The following PIGO variants were observed in gnomAD, a reference collection of about 807,000 sequenced individuals.
PIGO encodes the protein GPI ethanolamine phosphate transferase 3, catalytic subunit.
Under a neutral mutation model 86.9 loss-of-function variants are expected in PIGO, and 66 were observed. The ratio of observed to expected loss-of-function variants is 0.76; its 90% confidence interval spans 0.62 to 0.93. The LOEUF (loss-of-function observed/expected upper bound fraction) is 0.93, where lower values mean the gene tolerates loss of function less well. Ranked by LOEUF, PIGO falls within the 40% of genes least tolerant of loss-of-function variation. The pLI, the probability that PIGO is intolerant of heterozygous loss-of-function variation, is 0.00. For missense variants in PIGO, 1,202 were observed against 1,359.1 expected, an observed-to-expected ratio of 0.88 and a Z score of 1.82; for synonymous variants, 570 against 556.4, an observed-to-expected ratio of 1.02 and a Z score of -0.34.
intron 6 of PIGO, 30 bp from the exon 7 acceptor site, chr9:35,092,797 G>A: frequency 6.4e-7 from 1 of 1,557,484 alleles, no homozygotes; most frequent in South Asian, 1.2e-5. Flanking sequence ...AGGCCAAGGG[G>A]AACAGGTCAG....
chr9:35,095,819 G>T, intron 1 of PIGO: 1 of 374,366 alleles, frequency 2.7e-6, no homozygotes, highest in South Asian at 4.6e-5. Context: ...TTCGAGACCA[G>T]CCTGGCCAAA....
chr9:35,090,726 G>A, intron 7 of PIGO, 54 bp from the exon 8 acceptor site: 1 of 1,544,214 alleles, frequency 6.5e-7, no homozygotes. Flanking sequence ...TAATCCATAG[G>A]CTACTGCTCC....
chr9:35,092,759 T>A lies in PIGO; in HGVS notation c.1128A>T (p.Arg376=). The change falls in exon 7 of 11, where the codon CGA becomes CGT. Residue 376 remains arginine, a synonymous_variant. Coordinates refer to ENST00000378617, the MANE Select transcript of PIGO (RefSeq NM_032634.4). ...TAGCAGCTGAGTAGGTATGAAGAAATCGGGACACCTGGCAGAGAAAAGGTC... is the reference window on the plus strand; with the variant it reads ...TAGCAGCTGAGTAGGTATGAAGAAAACGGGACACCTGGCAGAGAAAAGGTC... ...ALHLNAQQVS[R]FLHTYSAATQ... is the part of the protein sequence containing the mutation. 6.2e-7 allele frequency: 1 copy of A among 1,603,350 alleles called. No individual in the cohort carries two copies. The highest frequency in any genetic ancestry group is 8.5e-7 in the Non-Finnish European group (1 of 1,176,468).
rs1489992993 is a variant in PIGO, at chr9:35,095,336, G to A, written c.230C>T (p.Ala77Val). Residue 77 changes from alanine to valine, a missense_variant, in exon 2 of 11, where the codon GCT becomes GTT. By Grantham distance (64) the Ala-to-Val change is moderately conservative (BLOSUM62 0). Transcript: ENST00000378617. ...FSRVVLVLID[A>V]LRFDFAQPQH... ...GGGCTGGGCGAAGTCAAATCGCAGA[G>A]CATCTATCAGCACCAACACAACCCG... 11 of 1,614,168 alleles carry A rather than the reference G, an allele frequency of 6.8e-6. No individual in the cohort carries two copies. Among genetic ancestry groups the A allele is most frequent in the Admixed American group, 1.7e-5 (1 of 60,028 alleles).
intron 7 of PIGO, chr9:35,090,981 G>A (rs184807724): frequency 7.3e-5 from 42 of 574,692 alleles, no homozygotes; most frequent in African/African-American, 7.1e-4. Context: ...ATGTGCTCAT[G>A]AGGATGCAGC....
chr9:35,095,296 C>T lies in PIGO; in HGVS notation c.270G>A (p.Val90=), dbSNP rs1393690789. ...GTAGGGAGACAGGAGGCTCTCTAGG[C>T]ACGTGTGAATGCTGGGGCTGGGCGA... ...FDFAQPQHSH[V]PREPPVSLPF... Residue 90 remains valine (V), a synonymous_variant, in exon 2 of 11, where the codon GTG becomes GTA. Transcript: ENST00000378617. 1 of 1,614,162 alleles carries T rather than the reference C, an allele frequency of 6.2e-7. No individual in the cohort carries two copies. Among genetic ancestry groups the T allele is most frequent in the Non-Finnish European group, 8.5e-7 (1 of 1,180,026 alleles).
chr9:35,091,601 A>C lies in PIGO; in HGVS notation c.2286T>G (p.Pro762=). 1 of 1,613,846 alleles carries C rather than the reference A, an allele frequency of 6.2e-7. No homozygotes were observed. The highest frequency in any genetic ancestry group is 1.1e-5 in the South Asian group (1 of 91,088). The part of the protein sequence containing the change: ...ASGLALLLWK[P]VTVLVKAGAG... ...CCCCAGCCTTCACCAGCACTGTCAC[A>C]GGCTTCCAGAGCAGCAGCGCGAGCC... The change falls in exon 7 of 11, where the codon CCT becomes CCG. Residue 762 remains proline (P), a synonymous_variant. Coordinates refer to ENST00000378617, the MANE Select transcript of PIGO (RefSeq NM_032634.4).
At chr9:35,095,588 A>G (rs1439550777) in intron 1 of PIGO, 22 bp from the exon 2 acceptor site, 17 of 1,512,278 alleles carry the variant, frequency 1.1e-5, no homozygotes, top group Non-Finnish European at 1.4e-5. Context: ...GGGGAAGTAA[A>G]TTCATTACTG....
chr9:35,092,394 G>C lies in PIGO; in HGVS notation c.1493C>G (p.Ala498Gly), dbSNP rs139997527. ...CAGCTCAATAGTTCCCAGGAGTCCA[G>C]CATACGCTATGGCCCCAACCAGGCC... Reference protein sequence around the residue: ...AWGLVGAIAYAGLLGTIELKL... With the variant: ...AWGLVGAIAYGGLLGTIELKL... Residue 498 changes from alanine to glycine, a missense_variant, in exon 7 of 11, where the codon GCT becomes GGT. By Grantham distance (60) the Ala-to-Gly change is moderately conservative (BLOSUM62 0). Coordinates refer to ENST00000378617, the MANE Select transcript of PIGO (RefSeq NM_032634.4). 1 of 1,614,132 alleles carries C rather than the reference G, an allele frequency of 6.2e-7. No individual in the cohort carries two copies. Among genetic ancestry groups the C allele is most frequent in the African/African-American group, 1.3e-5 (1 of 74,948 alleles).
intron 6 of PIGO, 125 bp from the exon 7 acceptor site, chr9:35,092,892 G>A: frequency 7.3e-7 from 1 of 1,371,078 alleles, no homozygotes; most frequent in Non-Finnish European, 9.9e-7. Context: ...TCCAGAATCG[G>A]GGAAGGGAGG....
At position 35,089,884 on chromosome 9, in the gene PIGO, T is replaced by C. The variant is rs975206886; in HGVS notation, c.3069+182A>G. The C allele has an allele frequency of 9.8e-6, 14 of 1,425,508 alleles. No homozygotes were observed. In the East Asian group the frequency reaches 3.0e-4, roughly 31 times the overall value. 88.3% of individuals were successfully genotyped at this position (1,425,508 alleles called of 1,614,324 possible). A position where few individuals can be genotyped will look rare whatever the true frequency, so the allele number is the denominator to read the frequency against. ...TTGTAGAGGGGAAATGATCCAGGAC[T>C]AGGATTAAGGAGACCCAGGTTCAAG... On this transcript the variant is annotated intron_variant, in intron 9 of 10. Transcript: ENST00000378617.
Position 35,088,799 on chromosome 9 carries a change from C to T in PIGO, c.*293G>A. 1 of 276,184 alleles carries T rather than the reference C, an allele frequency of 3.6e-6. No individual in the cohort carries two copies. Among genetic ancestry groups the T allele is most frequent in the Non-Finnish European group, 7.0e-6 (1 of 143,062 alleles). 17.1% of individuals were successfully genotyped at this position (276,184 alleles called of 1,614,324 possible). On this transcript the variant is annotated 3_prime_UTR_variant, in exon 11 of 11. Coordinates refer to ENST00000378617, the MANE Select transcript of PIGO (RefSeq NM_032634.4). Reference sequence around the variant, plus strand: ...GGACCAAGCAATCCTCCCACCTCTGCCTCCCAAAGTGCTGGGATTATAGGT... The same window carrying T: ...GGACCAAGCAATCCTCCCACCTCTGTCTCCCAAAGTGCTGGGATTATAGGT...
Position 35,091,417 on chromosome 9 carries a change from CCA to C in PIGO, c.2468_2469del (p.Val823GlyfsTer142), listed in dbSNP as rs1829409436. ...TAGACACTCCCCAACTGATAAGCAG[CCA>C]CAGTCAGGGGACCCTGAGATTTGGT... ...ERTKSQGPLT[V>X]AAYQLGSVYS... On this transcript the variant is annotated frameshift_variant, in exon 7 of 11. Transcript: ENST00000378617. LOFTEE classifies it high-confidence loss of function. 6.2e-7 allele frequency: 1 copy of C among 1,614,190 alleles called. No individual in the cohort carries two copies. Among genetic ancestry groups the C allele is most frequent in the Non-Finnish European group, 8.5e-7 (1 of 1,180,032 alleles).
Position 35,092,649 on chromosome 9 carries a change from C to A in PIGO, c.1238G>T (p.Ser413Ile), listed in dbSNP as rs775427184. Residue 413 changes from serine (S) to isoleucine (I), a missense_variant, in exon 7 of 11, where the codon AGC becomes ATC. Transcript: ENST00000378617. The part of the protein sequence containing the change: ...ASADYQWLLQ[S>I]PKGAEATLPT... ...CAGTGTCGCCTCAGCCCCCTTGGGG[C>A]TCTGGAGAAGCCACTGGTAGTCAGC... The A allele has an allele frequency of 6.2e-7, 1 of 1,614,236 alleles. No homozygotes were observed. Among genetic ancestry groups the A allele is most frequent in the Non-Finnish European group, 8.5e-7 (1 of 1,180,044 alleles).
At position 35,092,139 on chromosome 9, in the gene PIGO, A is replaced by G. The variant is rs1199312430; in HGVS notation, c.1748T>C (p.Leu583Pro). 2 of 1,614,226 alleles carry G rather than the reference A, an allele frequency of 1.2e-6. No individual in the cohort carries two copies. Among genetic ancestry groups the G allele is most frequent in the Non-Finnish European group, 1.7e-6 (2 of 1,180,046 alleles). The change falls in exon 7 of 11, where the codon CTC becomes CCC. Residue 583 changes from leucine (L) to proline (P), a missense_variant. Coordinates refer to ENST00000378617, the MANE Select transcript of PIGO (RefSeq NM_032634.4). ...TPFLLGSFIL[L>P]LVVQLHWEGQ... ...CTCCCAGTGAAGCTGGACAACCAGG[A>G]GCAGGATGAATGAGCCCAAAAGGAA... is the stretch of plus-strand genomic sequence containing the variant.
rs1383587223 is a variant in PIGO at position 35,092,331 on chromosome 9, A to G, written c.1556T>C (p.Val519Ala). 3.1e-6 allele frequency: 5 copies of G among 1,614,104 alleles called. No individual in the cohort carries two copies. ...DLVLLGAVAA[V>A]SSFLPFLWKA... is the part of the protein sequence containing the mutation. Reference sequence around the variant, plus strand: ...CCACAGAAAAGGGAGGAATGAGCTCACTGCAGCCACAGCCCCTAGAAGCAC... The same window carrying G: ...CCACAGAAAAGGGAGGAATGAGCTCGCTGCAGCCACAGCCCCTAGAAGCAC... The change falls in exon 7 of 11, where the codon GTG becomes GCG. Residue 519 changes from valine to alanine, a missense_variant. Transcript: ENST00000378617.
In PIGO at chr9:35,091,242, G is replaced by C; in HGVS notation, c.2645C>G (p.Pro882Arg). 1 of 1,586,206 alleles carries C rather than the reference G, an allele frequency of 6.3e-7. No homozygotes were observed. Among genetic ancestry groups the C allele is most frequent in the Non-Finnish European group, 8.6e-7 (1 of 1,165,604 alleles). Residue 882 changes from proline to arginine, a missense_variant and splice_region_variant, in exon 7 of 11, where the codon CCT (proline) becomes CGT (arginine). Coordinates refer to ENST00000378617, the MANE Select transcript of PIGO (RefSeq NM_032634.4). ...TGAATCAGAGCTGAGATATTTACCA[G>C]GGGTGGTGACGGGTATCCCAGCAGC... ...LLAAGIPVTT[P>R]GPFTVPWQAV...
chr9:35,091,002 G>A (rs897435342), intron 7 of PIGO: 28 of 576,638 alleles, frequency 4.9e-5, no homozygotes, highest in Non-Finnish European at 8.1e-5. Context: ...ATTTCCACAG[G>A]GAGTCTTAGA....
intron 4 of PIGO, 84 bp from the exon 5 acceptor site, chr9:35,093,664 T>G: frequency 2.0e-6 from 3 of 1,469,352 alleles, no homozygotes; most frequent in Non-Finnish European, 2.7e-6. Flanking sequence ...AGGGGCCTAT[T>G]CATCCCCAGC....
Sources: allele counts gnomAD v4.1 joint callset, GRCh38; gene constraint gnomAD v4.1.1; transcripts MANE v1.5; gene names NCBI Gene and HGNC (gene_info 2026-07-23, HGNC 2026-07-21).